The following CAMK2B variants were observed in gnomAD, a reference collection of about 807,000 sequenced individuals.
CAMK2B encodes the protein calcium/calmodulin dependent protein kinase II beta, also known as calcium/calmodulin-dependent protein kinase type II subunit beta.
Under a neutral mutation model 93.7 loss-of-function variants are expected in CAMK2B, and 27 were observed. The observed-to-expected ratio is 0.29, with a 90% CI of 0.21 to 0.40. CAMK2B has a LOEUF of 0.40. Ranked by LOEUF, CAMK2B falls within the 10% of genes least tolerant of loss-of-function variation. The probability of loss-of-function intolerance (pLI) is 1.00; values close to 1 mark genes in which losing one functional copy is unlikely to be tolerated. For missense variants in CAMK2B, 568 were observed against 895.8 expected, an observed-to-expected ratio of 0.63 and a Z score of 4.67; for synonymous variants, 374 against 358.8, an observed-to-expected ratio of 1.04 and a Z score of -0.48.
chr7:44,304,900 TA>T (rs1791037006), intron 1 of CAMK2B, among the ~76,000 whole-genome samples: 1 of 152,156 alleles, frequency 6.6e-6, no homozygotes, highest in African/African-American at 2.4e-5. Flanking sequence ...AAAACTGCTC[TA>T]AAAATGAAGC....
chr7:44,299,547 G>A (rs1042014751), intron 1 of CAMK2B, among the ~76,000 whole-genome samples: 1 of 152,060 alleles, frequency 6.6e-6, no homozygotes, highest in Non-Finnish European at 1.5e-5. Context: ...ATGTATATAT[G>A]ACACAATTTA....
chr7:44,255,101 C>T (rs1409190496), intron 4 of CAMK2B, among the ~76,000 whole-genome samples: 1 of 152,026 alleles, frequency 6.6e-6, no homozygotes. Flanking sequence ...AGAGTGGTGG[C>T]CCTCGCACAG....
At chr7:44,315,376 A>T (rs1794611589) in intron 1 of CAMK2B, among the ~76,000 whole-genome samples, 1 of 152,206 alleles carries the variant, frequency 6.6e-6, no homozygotes, top group Non-Finnish European at 1.5e-5. Context: ...TAAAAAATCA[A>T]CTGAACATAG....
chr7:44,261,335 C>A (rs1472858488), intron 3 of CAMK2B, among the ~76,000 whole-genome samples: 1 of 152,258 alleles, frequency 6.6e-6, no homozygotes, highest in Non-Finnish European at 1.5e-5. Flanking sequence ...CAGAGGTGGT[C>A]CCAGGGGCCA....
chr7:44,253,290 T>C (rs1247065678), intron 5 of CAMK2B, among the ~76,000 whole-genome samples: 1 of 151,496 alleles, frequency 6.6e-6, no homozygotes, highest in Non-Finnish European at 1.5e-5. Flanking sequence ...CTCAGCTCAC[T>C]GCAAACTCCG....
chr7:44,280,379 C>T (rs1340195834), intron 2 of CAMK2B, among the ~76,000 whole-genome samples: 3 of 152,110 alleles, frequency 2.0e-5, no homozygotes, highest in African/African-American at 7.2e-5. Context: ...CCACAGGGCA[C>T]GAGGTGGTGC....
At chr7:44,257,397 G>A (rs1384332484) in intron 4 of CAMK2B, among the ~76,000 whole-genome samples, 1 of 152,210 alleles carries the variant, frequency 6.6e-6, no homozygotes, top group Non-Finnish European at 1.5e-5. Flanking sequence ...CAAGGCGGGA[G>A]ACATGAGAGT....
chr7:44,320,871 G>A (rs565064675), intron 1 of CAMK2B, among the ~76,000 whole-genome samples: 1 of 152,144 alleles, frequency 6.6e-6, no homozygotes, highest in Non-Finnish European at 1.5e-5. Context: ...GCAGGGAGCC[G>A]GACCTCCGCC....
At chr7:44,243,218 C>G (rs1159982312) in intron 8 of CAMK2B, 32 bp downstream of exon 8, 11 of 1,562,086 alleles carry the variant, frequency 7.0e-6, no homozygotes, top group Non-Finnish European at 9.7e-6. Flanking sequence ...CACCCGAGGC[C>G]CTGCCCCGCA....
In CAMK2B at chr7:44,234,716, C is replaced by T. The variant is rs752641364; in HGVS notation, c.1022-40G>A. The T allele has an allele frequency of 3.1e-6, 5 of 1,608,978 alleles. No individual in the cohort carries two copies. The African/African-American group carries it at 5.4e-5, about 17-fold the overall frequency. On this transcript the variant is annotated intron_variant, in intron 13 of 23. Transcript: ENST00000395749. ...GGAAGAAGGTATGGTGAGTGATGGG[C>T]CTGGGTCTCGCTGCAGCGCAACCCC... is the stretch of plus-strand genomic sequence containing the variant.
intron 6 of CAMK2B, 147 bp from the exon 7 acceptor site, chr7:44,243,674 G>A: frequency 1.5e-6 from 1 of 655,232 alleles, no homozygotes; most frequent in Admixed American, 2.3e-5. Context: ...GGTGTCTGCA[G>A]GGCATGGCTG....
chr7:44,305,377 G>A (rs572779134), intron 1 of CAMK2B, among the ~76,000 whole-genome samples: 35 of 152,200 alleles, frequency 2.3e-4, no homozygotes, highest in Non-Finnish European at 4.1e-4. Flanking sequence ...CCAGCACTTT[G>A]GGAGGCCAAG....
At chr7:44,277,428 G>A (rs987708494) in intron 2 of CAMK2B, among the ~76,000 whole-genome samples, 10 of 152,170 alleles carry the variant, frequency 6.6e-5, no homozygotes, top group African/African-American at 1.9e-4. Flanking sequence ...CCGCGTGGCC[G>A]AGTATTTCGG....
intron 5 of CAMK2B, among the ~76,000 whole-genome samples, chr7:44,252,570 A>G (rs534130328): frequency 1.2e-4 from 18 of 151,270 alleles, no homozygotes; most frequent in African/African-American, 4.1e-4. Flanking sequence ...GCTGTGGTCT[A>G]AGGCACTCCT....
intron 3 of CAMK2B, among the ~76,000 whole-genome samples, chr7:44,261,992 T>C (rs532126834): frequency 6.6e-5 from 10 of 152,142 alleles, no homozygotes; most frequent in African/African-American, 1.4e-4. Flanking sequence ...GGCCCTGGAG[T>C]TGGGGCTGCC....
chr7:44,231,562 G>C (rs1023090414), intron 16 of CAMK2B, among the ~76,000 whole-genome samples: 8 of 152,254 alleles, frequency 5.3e-5, no homozygotes, highest in Non-Finnish European at 4.4e-5. Context: ...CAATGAAGCA[G>C]CAGCCGGTGT....
chr7:44,268,811 T>A (rs546928088), intron 2 of CAMK2B: 1 of 152,424 alleles, frequency 6.6e-6, no homozygotes, highest in Admixed American at 6.5e-5. Context: ...CACAGCCAAG[T>A]GCAGGAAGAG....
rs776330459 is a variant in CAMK2B, at chr7:44,220,856, G to A, written c.1643C>T (p.Ala548Val). 1.3e-6 allele frequency: 2 copies of A among 1,572,106 alleles called. No homozygotes were observed. The highest frequency in any genetic ancestry group is 1.7e-6 in the Non-Finnish European group (2 of 1,157,798). ...GGCCTCAAAGTCACCGTTGTTGACGGCCTCGATGAGCTGCTCCGTGGTCTT... is the reference window on the plus strand; with the variant it reads ...GGCCTCAAAGTCACCGTTGTTGACGACCTCGATGAGCTGCTCCGTGGTCTT... ...IIKTTEQLIE[A>V]VNNGDFEAYA... The change falls in exon 21 of 24, where the codon GCC (alanine) becomes GTC (valine). Residue 548 changes from alanine to valine, a missense_variant. Physicochemically the swap from Ala to Val is moderately conservative, Grantham distance 64 (BLOSUM62 0). Around this residue, in one of 4 missense-constraint regions of CAMK2B, gnomAD observed 116 missense variants for 188.0 expected, o/e 0.62. Coordinates refer to ENST00000395749, the MANE Select transcript of CAMK2B (RefSeq NM_001220.5).
chr7:44,318,476 G>T (rs1006065278), intron 1 of CAMK2B, among the ~76,000 whole-genome samples: 22 of 152,364 alleles, frequency 1.4e-4, no homozygotes, highest in Admixed American at 7.2e-4. Context: ...CACCTACTGT[G>T]TGCCAGGCAC....
Sources: gnomAD v4.1 joint callset for allele counts (sites outside exome capture counted in the v4.1 genomes callset) on GRCh38, gnomAD v4.1.1 for gene constraint, gnomAD v4.1.1 regional missense constraint, MANE v1.5 for transcripts, NCBI Gene and HGNC (gene_info 2026-07-23, HGNC 2026-07-21) for gene names.